CCDC102B: variants seen among roughly 807,000 people sequenced by gnomAD.
The protein encoded by CCDC102B is coiled-coil domain-containing protein 102B.
A neutral mutation model predicts 57.4 loss-of-function variants in CCDC102B; 75 were observed. That is an observed-to-expected ratio of 1.31 (90% CI 1.08 to 1.58). The LOEUF (loss-of-function observed/expected upper bound fraction) is 1.58, where lower values mean the gene tolerates loss of function less well. Ranked by LOEUF, CCDC102B falls within the 40% of genes most tolerant of loss-of-function variation. The probability of loss-of-function intolerance (pLI) is 0.00; values close to 1 mark genes in which losing one functional copy is unlikely to be tolerated. For missense variants in CCDC102B, 636 were observed against 582.6 expected, an observed-to-expected ratio of 1.09 and a Z score of -0.94; for synonymous variants, 206 against 201.9, an observed-to-expected ratio of 1.02 and a Z score of -0.17.
rs771170694 is a variant in CCDC102B, at chr18:68,846,278, C to A, written c.828-35C>A. On this transcript the variant is annotated intron_variant, in intron 3 of 7. Transcript: ENST00000360242. ...CCTTGAAAGTATTTTAAAATTGAAG[C>A]CGACTTTTTTTCTTTTAATTCTTAA... is the stretch of plus-strand genomic sequence containing the variant. 5 of 1,344,510 alleles carry A rather than the reference C, an allele frequency of 3.7e-6. No homozygotes were observed. The Middle Eastern group carries it at 6.1e-4, about 163-fold the overall frequency. The allele number at this position is 1,344,510 out of a possible 1,614,324, so 83.3% of individuals were successfully genotyped here.
chr18:68,744,214 T>C (rs572297927), intron 2 of CCDC102B, among the ~76,000 whole-genome samples: 85 of 152,324 alleles, frequency 5.6e-4, no homozygotes, highest in African/African-American at 2.0e-3. Flanking sequence ...ACAGTTTGGA[T>C]AGGAAATGAG....
chr18:68,766,054 C>T (rs540230698), intron 2 of CCDC102B, among the ~76,000 whole-genome samples: 1 of 152,166 alleles, frequency 6.6e-6, no homozygotes, highest in South Asian at 2.1e-4. Context: ...TAAGAATTAA[C>T]CATAGATACA....
At chr18:68,904,339 T>C (rs1439143236) in intron 6 of CCDC102B, among the ~76,000 whole-genome samples, 2 of 152,214 alleles carry the variant, frequency 1.3e-5, no homozygotes, top group Non-Finnish European at 2.9e-5. Context: ...TGGAAAATCA[T>C]TTATTTTGAA....
At chr18:68,735,708 C>T (rs1485601636) in intron 2 of CCDC102B, among the ~76,000 whole-genome samples, 1 of 152,170 alleles carries the variant, frequency 6.6e-6, no homozygotes, top group Non-Finnish European at 1.5e-5. Flanking sequence ...GTCCTCATCA[C>T]ACTGCTTTGC....
chr18:68,953,617 A>G (rs2049763677), intron 6 of CCDC102B, among the ~76,000 whole-genome samples: 1 of 152,054 alleles, frequency 6.6e-6, no homozygotes. Flanking sequence ...ATGAGTATAA[A>G]GTGTCCATAA....
chr18:68,808,030 C>T (rs976067871), intron 1 of CCDC102B, among the ~76,000 whole-genome samples: 5 of 152,078 alleles, frequency 3.3e-5, no homozygotes, highest in African/African-American at 1.2e-4. Flanking sequence ...TAAGATTCCA[C>T]GTCTTTTCCT....
intron 2 of CCDC102B, among the ~76,000 whole-genome samples, chr18:68,765,308 GGAAGGAAGGAAGGAAGGAAAGAAA>G (rs1447810914): frequency 9.9e-4 from 72 of 72,770 alleles, no homozygotes; most frequent in Middle Eastern, 0.014. Flanking sequence ...AAGGAAGGAA[GGAAGGAAGGAAGGAAGGAAAGAAA>G]GAAAGAAAGA....
intron 6 of CCDC102B, among the ~76,000 whole-genome samples, chr18:68,901,381 G>A (rs540279597): frequency 6.6e-6 from 1 of 152,092 alleles, no homozygotes; most frequent in Non-Finnish European, 1.5e-5. Flanking sequence ...TTCATGGGTG[G>A]CACACAAACA....
At chr18:68,987,084 T>G (rs1447635621) in intron 6 of CCDC102B, among the ~76,000 whole-genome samples, 1 of 152,126 alleles carries the variant, frequency 6.6e-6, no homozygotes, top group Non-Finnish European at 1.5e-5. Flanking sequence ...TAAATTCATA[T>G]GGAACCAAAA....
intron 2 of CCDC102B, among the ~76,000 whole-genome samples, chr18:68,790,366 A>C (rs1274305608): frequency 2.0e-5 from 3 of 151,634 alleles, no homozygotes; most frequent in Non-Finnish European, 2.9e-5. Flanking sequence ...ACCCAGTTCG[A>C]GCTTCTGGGC....
At chr18:69,000,568 C>A (rs573300317) in intron 6 of CCDC102B, among the ~76,000 whole-genome samples, 15 of 152,226 alleles carry the variant, frequency 9.9e-5, no homozygotes, top group African/African-American at 3.4e-4. Context: ...TGACTCATGG[C>A]TGTTGAGCAA....
chr18:68,985,816 C>T lies in CCDC102B; in HGVS notation c.1264-25118C>T, dbSNP rs1172217103. Among the ~76,000 whole-genome samples, 3 of 152,000 alleles carry T rather than the reference C, an allele frequency of 2.0e-5. 1 individual carries two copies. The highest frequency in any genetic ancestry group is 6.6e-5 in the Admixed American group (1 of 15,254). The stretch of plus-strand genomic sequence containing the variant: ...CTACCAGGAAGCTACTAGCAAGAGG[C>T]CCTGGGAAATTGATTTCTGTGCAAT... On this transcript the variant is annotated intron_variant, in intron 6 of 7. Coordinates refer to ENST00000360242, the MANE Select transcript of CCDC102B (RefSeq NM_024781.3).
chr18:68,733,045 G>C (rs2032955974), intron 2 of CCDC102B, among the ~76,000 whole-genome samples: 1 of 152,072 alleles, frequency 6.6e-6, no homozygotes, highest in South Asian at 2.1e-4. Flanking sequence ...GAGCGACTCA[G>C]AGAAAAAGTA....
At chr18:68,738,253 G>C (rs2033232221) in intron 2 of CCDC102B, among the ~76,000 whole-genome samples, 1 of 152,074 alleles carries the variant, frequency 6.6e-6, no homozygotes, top group African/African-American at 2.4e-5. Context: ...TCGTATGCAG[G>C]ATCCTATGTG....
chr18:68,766,901 A>G (rs767107597), intron 2 of CCDC102B, among the ~76,000 whole-genome samples: 1 of 152,208 alleles, frequency 6.6e-6, no homozygotes, highest in Non-Finnish European at 1.5e-5. Flanking sequence ...GATCTGGTAC[A>G]TATTACTTCA....
In CCDC102B at chr18:68,995,976, G is replaced by A. The variant is rs150910100; in HGVS notation, c.1264-14958G>A. On this transcript the variant is annotated intron_variant, in intron 6 of 7. Transcript: ENST00000360242. ...GTGGGAGCTCACTCCTTGCATTAGC[G>A]TGACCTGGATGTGAGACATAGAGTC... 1.3e-3 allele frequency among the ~76,000 whole-genome samples: 191 copies of A among 152,328 alleles called. 2 individuals carry two copies. The highest frequency in any genetic ancestry group is 2.4e-3 in the Non-Finnish European group (160 of 68,034).
intron 2 of CCDC102B, among the ~76,000 whole-genome samples, chr18:68,765,847 T>A (rs1330259902): frequency 6.6e-6 from 1 of 151,724 alleles, no homozygotes; most frequent in Non-Finnish European, 1.5e-5. Flanking sequence ...TCTTTCTTTC[T>A]TTTTTTTAGT....
At chr18:69,049,306 C>T (rs1599902358) in intron 7 of CCDC102B, among the ~76,000 whole-genome samples, 3 of 151,996 alleles carry the variant, frequency 2.0e-5, no homozygotes, top group Admixed American at 6.6e-5. Context: ...TTTTCTGTTC[C>T]TGTGTTAGTT....
intron 7 of CCDC102B, among the ~76,000 whole-genome samples, chr18:69,039,172 G>T (rs904564614): frequency 2.6e-5 from 4 of 151,858 alleles, no homozygotes; most frequent in Admixed American, 1.3e-4. Context: ...GCTATCTAGA[G>T]TATTCCATTG....
Sources: allele counts gnomAD v4.1 joint callset (sites outside exome capture counted in the v4.1 genomes callset), GRCh38; gene constraint gnomAD v4.1.1; transcripts MANE v1.5; gene names NCBI Gene and HGNC (gene_info 2026-07-23, HGNC 2026-07-21).